OC90: variants seen among roughly 807,000 people sequenced by gnomAD.
OC90 encodes otoconin 90, also known as otoconin-90.
Under a neutral mutation model 47.3 loss-of-function variants are expected in OC90, and 46 were observed. That is an observed-to-expected ratio of 0.97 (90% CI 0.77 to 1.24). The LOEUF is 1.24. OC90 is among the 50% of genes most tolerant of loss of function. The pLI, the probability that OC90 is intolerant of heterozygous loss-of-function variation, is 0.00. For synonymous variants in OC90, 271 were observed against 219.5 expected (o/e 1.23, Z -2.07); for missense variants, 688 against 583.9 (o/e 1.18, Z -1.84).
intron 2 of OC90, among the ~76,000 whole-genome samples, chr8:132,052,487 G>A (rs967445840): frequency 6.6e-6 from 1 of 152,166 alleles, no homozygotes; most frequent in African/African-American, 2.4e-5. Flanking sequence ...TGGAGGGTGG[G>A]AGATAATCTT....
At chr8:132,028,686 G>GAAAA (rs1554613375) in intron 13 of OC90, among the ~76,000 whole-genome samples, 1 of 126,996 alleles carries the variant, frequency 7.9e-6, no homozygotes, top group Non-Finnish European at 1.6e-5. Context: ...AAGAAAGAAA[G>GAAAA]AGAAAGAAAG....
chr8:132,045,546 C>T (rs1823119957), intron 3 of OC90, among the ~76,000 whole-genome samples: 1 of 152,190 alleles, frequency 6.6e-6, no homozygotes, highest in Admixed American at 6.5e-5. Context: ...TTCACGTCAG[C>T]CCATTTCCTG....
intron 2 of OC90, chr8:132,050,006 G>T: frequency 3.0e-6 from 1 of 335,010 alleles, no homozygotes; most frequent in Non-Finnish European, 6.4e-6. Flanking sequence ...GCATTATAAG[G>T]GTTTTTTTGT....
chr8:132,052,207 G>A lies in OC90; in HGVS notation c.46+2774C>T, dbSNP rs541687417. 1.9e-4 allele frequency among the ~76,000 whole-genome samples: 29 copies of A among 152,310 alleles called. No homozygotes were observed. The East Asian group carries it at 5.4e-3, about 28-fold the overall frequency. On this transcript the variant is annotated intron_variant, in intron 2 of 13. Coordinates refer to ENST00000254627, the MANE Select transcript of OC90 (RefSeq NM_001080399.3). The stretch of plus-strand genomic sequence containing the variant: ...CCTGCCTGAGAACTACAGGCTTTGA[G>A]GGGACTGTGACCTGTAAAATGTAGA...
chr8:132,026,718 A>T (rs143794397), intron 13 of OC90, among the ~76,000 whole-genome samples: 2,124 of 152,272 alleles, frequency 0.014, 38 homozygotes, highest in Admixed American at 0.043. Flanking sequence ...AGGAAGGGAG[A>T]GCAAGGCTTC....
chr8:132,050,584 C>T (rs911300830), intron 2 of OC90, among the ~76,000 whole-genome samples: 23 of 152,268 alleles, frequency 1.5e-4, no homozygotes, highest in South Asian at 2.1e-4. Flanking sequence ...TCCTACATGC[C>T]GGCTGTGAGA....
chr8:132,029,862 G>T (rs890298191), intron 12 of OC90, among the ~76,000 whole-genome samples: 1 of 152,144 alleles, frequency 6.6e-6, no homozygotes, highest in Non-Finnish European at 1.5e-5. Context: ...TCAGCCAATA[G>T]GGAGCTACAG....
chr8:132,036,524 G>A, intron 9 of OC90: 1 of 758,504 alleles, frequency 1.3e-6, no homozygotes, highest in East Asian at 2.4e-5. Context: ...GAGGCTTAGG[G>A]TAATCCGATC....
chr8:132,032,364 C>G (rs1822889600), intron 11 of OC90, among the ~76,000 whole-genome samples: 2 of 152,172 alleles, frequency 1.3e-5, no homozygotes, highest in South Asian at 4.1e-4. Flanking sequence ...CATCTTATTA[C>G]TGAGTAGACC....
chr8:132,057,698 C>T (rs1242878428), intron 1 of OC90, among the ~76,000 whole-genome samples: 1 of 152,196 alleles, frequency 6.6e-6, no homozygotes, highest in African/African-American at 2.4e-5. Flanking sequence ...ATCTTCATGA[C>T]CTTATTCCTT....
At chr8:132,051,065 GTTT>G (rs1823206634) in intron 2 of OC90, among the ~76,000 whole-genome samples, 1 of 152,148 alleles carries the variant, frequency 6.6e-6, no homozygotes, top group African/African-American at 2.4e-5. Flanking sequence ...GTCTGCATTT[GTTT>G]TTCACACTGA....
rs769651334 is a variant in OC90, at chr8:132,024,670, T to G, written c.1245A>C (p.Arg415Ser). ...CTGCTGGCTGCCCAGGGCACCCGAG[T>G]CTGCTTGGGGACTTGAGGCTTTGGT... ...SFNQSLKSPS[R>S]LGCPGQPAAC... Residue 415 changes from arginine (R) to serine (S), a missense_variant, in exon 14 of 14, where the codon AGA becomes AGC. Arg to Ser is a moderately radical substitution (Grantham distance 110). Transcript: ENST00000254627. 6.2e-7 allele frequency: 1 copy of G among 1,613,334 alleles called. No individual in the cohort carries two copies. The highest frequency in any genetic ancestry group is 1.1e-5 in the South Asian group (1 of 90,990).
intron 8 of OC90, among the ~76,000 whole-genome samples, chr8:132,037,831 TA>T (rs1404103160): frequency 6.6e-6 from 1 of 152,202 alleles, no homozygotes; most frequent in South Asian, 2.1e-4. Context: ...GTGTTGAGGA[TA>T]AAAACAGTGC....
chr8:132,046,294 T>C (rs1384810489), intron 2 of OC90, among the ~76,000 whole-genome samples: 1 of 152,128 alleles, frequency 6.6e-6, no homozygotes, highest in Non-Finnish European at 1.5e-5. Context: ...ATAAGGGTTT[T>C]CCCCAGATTA....
rs1294408430 is a variant in OC90, at chr8:132,029,083, A to G, written c.1128T>C (p.His376=). 1 of 1,610,646 alleles carries G rather than the reference A, an allele frequency of 6.2e-7. No individual in the cohort carries two copies. Among genetic ancestry groups the G allele is most frequent in the Non-Finnish European group, 8.5e-7 (1 of 1,176,828 alleles). Residue 376 remains histidine, a synonymous_variant, in exon 13 of 14, where the codon CAT becomes CAC. Transcript: ENST00000254627. ...LPWSPVVCVD[H]TPKCGGQSLC... ...ACCAACAGCACTTACACTTGGGCGT[A>G]TGATCCACACACACCACCGGTGACC...
intron 5 of OC90, among the ~76,000 whole-genome samples, 161 bp from the exon 6 acceptor site, chr8:132,041,317 G>T (rs1387779087): frequency 6.6e-6 from 1 of 152,190 alleles, no homozygotes; most frequent in East Asian, 1.9e-4. Context: ...CATAACATAG[G>T]ATCTTAATAA....
At chr8:132,055,932 A>C (rs1192917544) in intron 1 of OC90, among the ~76,000 whole-genome samples, 1 of 152,228 alleles carries the variant, frequency 6.6e-6, no homozygotes, top group Non-Finnish European at 1.5e-5. Flanking sequence ...AAAAGACCAG[A>C]GGGATTTTAA....
intron 13 of OC90, among the ~76,000 whole-genome samples, chr8:132,026,239 C>T (rs1822755881): frequency 6.6e-6 from 1 of 151,834 alleles, no homozygotes. Context: ...TCTACACATA[C>T]ATAAGTTTCT....
Position 132,033,096 on chromosome 8 carries a change from AT to A in OC90, c.801del (p.Lys267AsnfsTer38). On this transcript the variant is annotated frameshift_variant, in exon 11 of 14. Transcript: ENST00000254627. LOFTEE classifies it high-confidence loss of function. ...KIVTLVPAGIKSLGLAVSSVE... is the reference protein window; with the variant it reads ...KIVTLVPAGIXSLGLAVSSVE... ...ACAGATGACACTGCCAGCCCCAGAG[AT>A]TTAATGCCAGCAGGGACAAGGGTTA... 1 of 1,610,104 alleles carries A rather than the reference AT, an allele frequency of 6.2e-7. No individual in the cohort carries two copies. The highest frequency in any genetic ancestry group is 8.5e-7 in the Non-Finnish European group (1 of 1,178,310).
Sources: gnomAD v4.1 joint callset for allele counts (sites outside exome capture counted in the v4.1 genomes callset) on GRCh38, gnomAD v4.1.1 for gene constraint, MANE v1.5 for transcripts, NCBI Gene and HGNC (gene_info 2026-07-23, HGNC 2026-07-21) for gene names.